Variants in GALNTL6 observed in about 807,000 individuals in gnomAD.
GALNTL6 encodes the protein polypeptide N-acetylgalactosaminyltransferase-like 6.
A neutral mutation model predicts 73.7 loss-of-function variants in GALNTL6; 46 were observed. That is an observed-to-expected ratio of 0.62 (90% CI 0.49 to 0.80). GALNTL6 has a LOEUF of 0.80. Among genes scored for constraint, GALNTL6 ranks in the 30% least tolerant of loss-of-function variants. The pLI, the probability that GALNTL6 is intolerant of heterozygous loss-of-function variation, is 0.00. For missense variants in GALNTL6, 604 were observed against 755.0 expected (o/e 0.80, Z 2.34); for synonymous variants, 259 against 263.7 (o/e 0.98, Z 0.17).
At chr4:172,177,961 A>G (rs187579191) in intron 2 of GALNTL6, among the ~76,000 whole-genome samples, 47 of 151,966 alleles carry the variant, frequency 3.1e-4, no homozygotes, top group Admixed American at 7.2e-4. Context: ...GCCATCGTGA[A>G]TATGTCATTC....
At chr4:172,936,611 C>T (rs1274196856) in intron 9 of GALNTL6, among the ~76,000 whole-genome samples, 1 of 152,166 alleles carries the variant, frequency 6.6e-6, no homozygotes, top group African/African-American at 2.4e-5. Context: ...AAATCACAAG[C>T]ATTCCTATAC....
intron 5 of GALNTL6, among the ~76,000 whole-genome samples, chr4:172,600,718 T>G (rs1409480567): frequency 6.6e-6 from 1 of 152,052 alleles, no homozygotes; most frequent in Non-Finnish European, 1.5e-5. Flanking sequence ...ATTTGGGCAG[T>G]CAGTAAGCCC....
intron 2 of GALNTL6, among the ~76,000 whole-genome samples, chr4:172,028,360 T>C (rs2110815136): frequency 6.6e-6 from 1 of 152,120 alleles, no homozygotes; most frequent in South Asian, 2.1e-4. Flanking sequence ...AAATATGGAA[T>C]GAATTTTATA....
intron 2 of GALNTL6, among the ~76,000 whole-genome samples, chr4:172,203,828 C>A (rs1245751422): frequency 6.6e-6 from 1 of 152,150 alleles, no homozygotes; most frequent in East Asian, 1.9e-4. Flanking sequence ...CTCACCACAA[C>A]CTCTGCCTCC....
Position 172,522,678 on chromosome 4 carries a change from C to A in GALNTL6, c.553+173989C>A, listed in dbSNP as rs1055967681. Among the ~76,000 whole-genome samples, 98 of 102,226 alleles carry A rather than the reference C, an allele frequency of 9.6e-4. 1 individual carries two copies. In the Middle Eastern group the frequency reaches 0.015, roughly 16 times the overall value. 67.1% of individuals were successfully genotyped at this position (102,226 alleles called of 152,430 possible). A position where few individuals can be genotyped will look rare whatever the true frequency, so the allele number is the denominator to read the frequency against. On this transcript the variant is annotated intron_variant, in intron 5 of 12. Transcript: ENST00000506823. ...AGTGAAACTCAGTCCCCCCCCCCCC[C>A]AAAAAAAAAGTGTATTTTACTGTAA...
At chr4:172,997,714 T>C (rs1751859550) in intron 10 of GALNTL6, among the ~76,000 whole-genome samples, 1 of 152,128 alleles carries the variant, frequency 6.6e-6, no homozygotes, top group Non-Finnish European at 1.5e-5. Context: ...AGGGAGTAAA[T>C]TCAATGTTTG....
chr4:172,652,115 G>A (rs1740501202), intron 5 of GALNTL6, among the ~76,000 whole-genome samples: 1 of 152,166 alleles, frequency 6.6e-6, no homozygotes, highest in Admixed American at 6.5e-5. Flanking sequence ...AACTGGAAAA[G>A]TCATCTAGAT....
At chr4:172,790,911 A>AAG (rs915435585) in intron 5 of GALNTL6, among the ~76,000 whole-genome samples, 10 of 151,706 alleles carry the variant, frequency 6.6e-5, no homozygotes, top group Non-Finnish European at 1.5e-4. Context: ...AAAAAAAAAA[A>AAG]AAAAAAGCAT....
chr4:173,031,182 C>T (rs780691050), intron 12 of GALNTL6, among the ~76,000 whole-genome samples: 4 of 151,504 alleles, frequency 2.6e-5, no homozygotes, highest in Non-Finnish European at 5.9e-5. Context: ...TTATTATCTA[C>T]TTTAGTATGT....
chr4:172,674,536 T>A (rs1225979589), intron 5 of GALNTL6, among the ~76,000 whole-genome samples: 2 of 152,326 alleles, frequency 1.3e-5, no homozygotes, highest in Middle Eastern at 6.8e-3. Context: ...GAACTTACCA[T>A]GAATGCTATT....
At chr4:172,380,849 C>T (rs1172074622) in intron 5 of GALNTL6, among the ~76,000 whole-genome samples, 2 of 152,124 alleles carry the variant, frequency 1.3e-5, no homozygotes, top group Admixed American at 1.3e-4. Context: ...TTCAGCTTGT[C>T]AGATTGTTTA....
At chr4:171,990,807 T>C (rs1476693351) in intron 2 of GALNTL6, among the ~76,000 whole-genome samples, 2 of 152,208 alleles carry the variant, frequency 1.3e-5, no homozygotes, top group East Asian at 3.8e-4. Flanking sequence ...TTGATAAAGC[T>C]GACATATGAT....
intron 5 of GALNTL6, among the ~76,000 whole-genome samples, chr4:172,464,349 A>C (rs1732727021): frequency 6.6e-6 from 1 of 152,182 alleles, no homozygotes; most frequent in African/African-American, 2.4e-5. Context: ...ACTGTTCTAA[A>C]TATTTTGTGA....
At chr4:172,035,972 T>C (rs1020419881) in intron 2 of GALNTL6, among the ~76,000 whole-genome samples, 1 of 149,978 alleles carries the variant, frequency 6.7e-6, no homozygotes, top group Admixed American at 6.6e-5. Context: ...ATCTTTTATG[T>C]AACAGTAAGA....
chr4:172,488,320 G>C (rs1281844361), intron 5 of GALNTL6, among the ~76,000 whole-genome samples: 1 of 152,226 alleles, frequency 6.6e-6, no homozygotes, highest in African/African-American at 2.4e-5. Flanking sequence ...CAGAAACGCA[G>C]ATAGGGCCTA....
Position 172,503,787 on chromosome 4 carries a change from G to A in GALNTL6, c.553+155098G>A, listed in dbSNP as rs556049196. 1.6e-3 allele frequency among the ~76,000 whole-genome samples: 240 copies of A among 151,956 alleles called. 1 individual carries two copies. The highest frequency in any genetic ancestry group is 5.1e-3 in the African/African-American group (211 of 41,426). ...ACAGAGGGCAGATTAAATTAAGTGC[G>A]AGAGGCAATAAAGTTTACATCAGAA... is the stretch of plus-strand genomic sequence containing the variant. On this transcript the variant is annotated intron_variant, in intron 5 of 12. Transcript: ENST00000506823.
chr4:172,720,903 A>G (rs1205208853), intron 5 of GALNTL6, among the ~76,000 whole-genome samples: 7 of 152,204 alleles, frequency 4.6e-5, no homozygotes, highest in Non-Finnish European at 8.8e-5. Flanking sequence ...CAGCCTTTTA[A>G]GAAATCAGCT....
chr4:172,443,749 C>A (rs994326063), intron 5 of GALNTL6, among the ~76,000 whole-genome samples: 20 of 152,058 alleles, frequency 1.3e-4, no homozygotes, highest in African/African-American at 4.8e-4. Flanking sequence ...CTGGTAAAAG[C>A]TATTAAAATT....
At position 172,767,667 on chromosome 4, in the gene GALNTL6, C is replaced by CTTTTTTTTTTTTTTTTTTTTTTTTTTTT; in HGVS notation, c.554-41676_554-41675insTTTTTTTTTTTTTTTTTTTTTTTTTTTT. Among the ~76,000 whole-genome samples the CTTTTTTTTTTTTTTTTTTTTTTTTTTTT allele has an allele frequency of 1.7e-5, 2 of 118,098 alleles. 1 individual carries two copies. Among genetic ancestry groups the CTTTTTTTTTTTTTTTTTTTTTTTTTTTT allele is most frequent in the Non-Finnish European group, 3.4e-5 (2 of 58,456 alleles). 77.5% of individuals were successfully genotyped at this position (118,098 alleles called of 152,430 possible). Reference sequence around the variant, plus strand: ...AGATACTCAAGAACTGATTTTTTTTCTTTTTTTTTTTTTTTTTTGAGACAG... The same window carrying CTTTTTTTTTTTTTTTTTTTTTTTTTTTT: ...AGATACTCAAGAACTGATTTTTTTTCTTTTTTTTTTTTTTTTTTTTTTTTTTTTTTTTTTTTTTTTTTTTTTGAGACAG... On this transcript the variant is annotated intron_variant, in intron 5 of 12. Coordinates refer to ENST00000506823, the MANE Select transcript of GALNTL6 (RefSeq NM_001034845.3).
Sources: gnomAD v4.1 joint callset for allele counts (sites outside exome capture counted in the v4.1 genomes callset) on GRCh38, gnomAD v4.1.1 for gene constraint, MANE v1.5 for transcripts, NCBI Gene and HGNC (gene_info 2026-07-23, HGNC 2026-07-21) for gene names.